The following RPL26 variants were observed in gnomAD, a reference collection of about 807,000 sequenced individuals.
RPL26 encodes the protein large ribosomal subunit protein uL24.
A neutral mutation model predicts 16.2 loss-of-function variants in RPL26; 1 was observed. The ratio of observed to expected loss-of-function variants is 0.06; its 90% CI spans 0.02 to 0.29. RPL26 has a LOEUF of 0.29. Among genes scored for constraint, RPL26 ranks in the 10% least tolerant of loss-of-function variants. The pLI, the probability that RPL26 is intolerant of heterozygous loss-of-function variation, is 1.00. For missense variants in RPL26, 102 were observed against 184.3 expected, an observed-to-expected ratio of 0.55 and a Z score of 2.58; for synonymous variants, 55 against 62.4, an observed-to-expected ratio of 0.88 and a Z score of 0.56.
chr17:8,381,419 A>C (rs1907403156), intron 2 of RPL26: 4 of 152,212 alleles, frequency 2.6e-5, no homozygotes, highest in Admixed American at 2.6e-4. Flanking sequence ...ATTAATCCCA[A>C]AGCAATGTTC....
chr17:8,379,530 T>C, intron 3 of RPL26: 1 of 542,600 alleles, frequency 1.8e-6, no homozygotes, highest in South Asian at 2.7e-5. Flanking sequence ...GCCGAGATTG[T>C]GCCACTGCAC....
At chr17:8,379,535 C>G (rs1907316643) in intron 3 of RPL26, 1 of 546,962 alleles carries the variant, frequency 1.8e-6, no homozygotes, top group Non-Finnish European at 3.2e-6. Flanking sequence ...GATTGTGCCA[C>G]TGCACTCCGG....
intron 3 of RPL26, among the ~76,000 whole-genome samples, chr17:8,378,196 T>C (rs532255932): frequency 2.0e-5 from 3 of 152,288 alleles, no homozygotes; most frequent in African/African-American, 7.2e-5. Flanking sequence ...CTGGGTATGG[T>C]GGCACATGCC....
chr17:8,381,589 CA>C lies in RPL26; in HGVS notation c.168+553del, dbSNP rs371146164. On this transcript the variant is annotated intron_variant, in intron 2 of 3. Transcript: ENST00000648839. ...TACATGGGAGCATCACTTGAGCCCA[CA>C]AGAGCCATGACCACGCAACTGCACT... Among the ~76,000 whole-genome samples, 670 of 152,272 alleles carry C rather than the reference CA, an allele frequency of 4.4e-3. 2 individuals carry two copies. The highest frequency in any genetic ancestry group is 6.8e-3 in the Middle Eastern group (2 of 294).
chr17:8,378,070 C>T (rs406285), intron 3 of RPL26, among the ~76,000 whole-genome samples: 31,783 of 152,188 alleles, frequency 0.21, 3,524 homozygotes, highest in Non-Finnish European at 0.26. Flanking sequence ...GTGGTTCATG[C>T]CCCCAATCCC....
In RPL26 at chr17:8,377,706, A is replaced by T; in HGVS notation, c.310-14T>A. ...AGTGATAACCACCTGCAGAAAAATA[A>T]GAAAAAAACACTCCCAAGCTTTAAA... On this transcript the variant is annotated splice_polypyrimidine_tract_variant and intron_variant, in intron 3 of 3. Transcript: ENST00000648839. 1 of 1,598,330 alleles carries T rather than the reference A, an allele frequency of 6.3e-7. No individual in the cohort carries two copies. Among genetic ancestry groups the T allele is most frequent in the South Asian group, 1.1e-5 (1 of 89,080 alleles).
intron 3 of RPL26, among the ~76,000 whole-genome samples, chr17:8,378,259 G>GA (rs563868121): frequency 6.6e-6 from 1 of 152,102 alleles, no homozygotes. Context: ...GGAACCCTGG[G>GA]GGGGCGGAGG....
At chr17:8,380,181 G>T in intron 2 of RPL26, 1 of 418,376 alleles carries the variant, frequency 2.4e-6, no homozygotes, top group Non-Finnish European at 4.2e-6. Flanking sequence ...CTAGTCAGAG[G>T]GCAGCAACAA....
At position 8,377,640 on chromosome 17, in the gene RPL26, C is replaced by T. The variant is rs760195001; in HGVS notation, c.362G>A (p.Arg121Gln). The change falls in exon 4 of 4, where the codon CGG becomes CAG. Residue 121 changes from arginine (R) to glutamine (Q), a missense_variant. Coordinates refer to ENST00000648839, the MANE Select transcript of RPL26 (RefSeq NM_000987.5). ...LDKDRKKILE[R>Q]KAKSRQVGKE... ...TCCTACTTGGCGAGATTTGGCTTTC[C>T]GTTCGAGGATCTTTTTGCGGTCTTT... 3.1e-6 allele frequency: 5 copies of T among 1,610,704 alleles called. No homozygotes were observed. The highest frequency in any genetic ancestry group is 1.1e-5 in the South Asian group (1 of 91,020).
chr17:8,379,520 G>A (rs1907315768), intron 3 of RPL26: 1 of 534,384 alleles, frequency 1.9e-6, no homozygotes, highest in Admixed American at 3.6e-5. Flanking sequence ...GCTGCAGTGA[G>A]CCGAGATTGT....
intron 3 of RPL26, among the ~76,000 whole-genome samples, chr17:8,378,303 T>A (rs1458235174): frequency 1.3e-5 from 2 of 152,110 alleles, no homozygotes; most frequent in African/African-American, 2.4e-5. Flanking sequence ...ATTATTGCAC[T>A]CCAGCCTGGG....
chr17:8,380,609 G>A (rs1642992742), intron 2 of RPL26: 1 of 152,168 alleles, frequency 6.6e-6, no homozygotes, highest in Admixed American at 6.5e-5. Flanking sequence ...ACGATAACGT[G>A]ACTGTGCTTC....
At chr17:8,378,888 CAG>C (rs1907281355) in intron 3 of RPL26, among the ~76,000 whole-genome samples, 2 of 152,124 alleles carry the variant, frequency 1.3e-5, no homozygotes. Flanking sequence ...TACATTTGAA[CAG>C]AGACCTAAAG....
chr17:8,381,564 T>C (rs1230289978), intron 2 of RPL26, among the ~76,000 whole-genome samples: 2 of 152,064 alleles, frequency 1.3e-5, no homozygotes, highest in African/African-American at 2.4e-5. Context: ...AAAAAGGTCC[T>C]ACATGGGAGC....
In RPL26 at chr17:8,383,139, T is replaced by C. The variant is rs1907511975; in HGVS notation, c.-6+18A>G. The C allele has an allele frequency of 2.5e-6, 1 of 398,540 alleles. No individual in the cohort carries two copies. Among genetic ancestry groups the C allele is most frequent in the Non-Finnish European group, 4.4e-6 (1 of 226,100 alleles). The allele number at this position is 398,540 out of a possible 1,614,324, so 24.7% of individuals were successfully genotyped here. ...CGGATGGCTGCTGATTACACCCGCT[T>C]GCCCGCCGAATCCTTACCCGCTCCC... On this transcript the variant is annotated intron_variant, in intron 1 of 3. Coordinates refer to ENST00000648839, the MANE Select transcript of RPL26 (RefSeq NM_000987.5).
At chr17:8,377,812 G>T in intron 3 of RPL26, 120 bp from the exon 4 acceptor site, 3 of 850,452 alleles carry the variant, frequency 3.5e-6, no homozygotes, top group East Asian at 2.8e-5. Context: ...AATAAGAAAA[G>T]ATTTTAACTT....
chr17:8,382,557 C>G, intron 1 of RPL26: 1 of 453,588 alleles, frequency 2.2e-6, no homozygotes, highest in East Asian at 4.4e-5. Flanking sequence ...GCATCAAAAA[C>G]ACTTGTCCTA....
chr17:8,382,810 T>G, intron 1 of RPL26: 1 of 381,486 alleles, frequency 2.6e-6, no homozygotes. Context: ...TCTCGGGTCC[T>G]AAAAGCCTCC....
Position 8,377,687 on chromosome 17 carries a change from A to G in RPL26, c.315T>C (p.Val105=). Residue 105 remains valine (V), a synonymous_variant, in exon 4 of 4, where the codon GTT becomes GTC. Transcript: ENST00000648839. ...CTTTGTCCAGTTTTAGCCTAGTGATAACCACCTGCAGAAAAATAAGAAAAA... is the reference window on the plus strand; with the variant it reads ...CTTTGTCCAGTTTTAGCCTAGTGATGACCACCTGCAGAAAAATAAGAAAAA... ...VHVGIHPSKV[V]ITRLKLDKDR... The G allele has an allele frequency of 1.2e-6, 2 of 1,604,006 alleles. No individual in the cohort carries two copies. Among genetic ancestry groups the G allele is most frequent in the South Asian group, 1.1e-5 (1 of 89,576 alleles).
Sources: allele counts gnomAD v4.1 joint callset (sites outside exome capture counted in the v4.1 genomes callset), GRCh38; gene constraint gnomAD v4.1.1; transcripts MANE v1.5; gene names NCBI Gene and HGNC (gene_info 2026-07-23, HGNC 2026-07-21).